GEMIN4: variants seen among roughly 807,000 people sequenced by gnomAD.
GEMIN4 encodes gem nuclear organelle associated protein 4.
In GEMIN4, 59 loss-of-function variants were observed where a neutral mutation model predicts 76.8. The observed-to-expected ratio is 0.77, with a 90% CI of 0.62 to 0.95. GEMIN4 has a LOEUF of 0.95. GEMIN4 is among the 40% of genes least tolerant of loss of function. The probability of loss-of-function intolerance (pLI) is 0.00; values close to 1 mark genes in which losing one functional copy is unlikely to be tolerated. For synonymous variants in GEMIN4, 562 were observed against 559.7 expected, an observed-to-expected ratio of 1.00 and a Z score of -0.06; for missense variants, 1,311 against 1,318.9, an observed-to-expected ratio of 0.99 and a Z score of 0.09.
rs1220852510 is a variant in GEMIN4, at chr17:745,563, C to T, written c.2480G>A (p.Gly827Asp). ...GAGAGACAGCATCCTCTCCGAGATG[C>T]CGCTGGAGACGCAGCAGCACTCCAT... is the stretch of plus-strand genomic sequence containing the variant. ...AWMECCCVSS[G>D]ISERMLSLLV... Residue 827 changes from glycine (G) to aspartate (D), a missense_variant, in exon 2 of 2, where the codon GGC becomes GAC. By Grantham distance (94) the Gly-to-Asp change is moderately conservative (BLOSUM62 -1). Transcript: ENST00000319004. This position sits in a 1 kb window ranked among gnomAD's most constrained non-coding sequence, Gnocchi z 4.6. 1 of 1,612,450 alleles carries T rather than the reference C, an allele frequency of 6.2e-7. No homozygotes were observed. Among genetic ancestry groups the T allele is most frequent in the South Asian group, 1.1e-5 (1 of 90,910 alleles).
At position 747,204 on chromosome 17, in the gene GEMIN4, G is replaced by A. The variant is rs777171767; in HGVS notation, c.839C>T (p.Thr280Ile). ...CGCCTGCTGGTGGTAGGGATTCTGG[G>A]TGTCCGAGTTCCACACAGAGATCAC... ...ATVISVWNSDTQNPYHQQALA... is the reference protein window; with the variant it reads ...ATVISVWNSDIQNPYHQQALA... Residue 280 changes from threonine to isoleucine, a missense_variant, in exon 2 of 2, where the codon ACC (threonine) becomes ATC (isoleucine). By Grantham distance (89) the Thr-to-Ile change is moderately conservative. Around this residue, in one of 2 missense-constraint regions of GEMIN4, gnomAD observed 1,208 missense variants for 1,166.9 expected, o/e 1.04. Transcript: ENST00000319004. 1.2e-6 allele frequency: 2 copies of A among 1,612,970 alleles called. No homozygotes were observed. The highest frequency in any genetic ancestry group is 1.7e-6 in the Non-Finnish European group (2 of 1,179,582).
intron 1 of GEMIN4, 182 bp from the exon 2 acceptor site, chr17:748,214 A>T (rs1348571295): frequency 3.4e-6 from 2 of 588,088 alleles, no homozygotes; most frequent in East Asian, 5.7e-5. Context: ...CGAGGAATCC[A>T]GAATGGCTTC....
At chr17:749,443 T>A in intron 1 of GEMIN4, 1 of 131,032 alleles carries the variant, frequency 7.6e-6, no homozygotes. Context: ...ACAGAAGCAA[T>A]CACACGGCTA....
intron 1 of GEMIN4, chr17:750,082 T>G: frequency 2.7e-6 from 2 of 753,222 alleles, no homozygotes; most frequent in Non-Finnish European, 3.2e-6. Context: ...CTGGCCAGGT[T>G]CAGTGGCTAG....
Position 747,511 on chromosome 17 carries a change from G to C in GEMIN4, c.532C>G (p.Leu178Val), listed in dbSNP as rs370503352. 59 of 1,613,838 alleles carry C rather than the reference G, an allele frequency of 3.7e-5. No individual in the cohort carries two copies. In the African/African-American group the frequency reaches 7.3e-4, roughly 20 times the overall value. Residue 178 changes from leucine to valine, a missense_variant, in exon 2 of 2, where the codon CTG becomes GTG. Transcript: ENST00000319004. The part of the protein sequence containing the change: ...MKHKGHPQDP[L>V]LSQFSAMAHK... ...GCCATTGCACTAAACTGGGAGAGCA[G>C]GGGGTCCTGCGGGTGACCCTTGTGC...
In GEMIN4 at chr17:747,406, T is replaced by C. The variant is rs202185493; in HGVS notation, c.637A>G (p.Met213Val). 4.3e-6 allele frequency: 7 copies of C among 1,613,770 alleles called. No individual in the cohort carries two copies. In the African/African-American group the frequency reaches 8.0e-5, roughly 18 times the overall value. Reference protein sequence around the residue: ...LRSDPDACPTMPLLAMLLRGL... With the variant: ...LRSDPDACPTVPLLAMLLRGL... ...CGGAGCAGCATGGCCAACAGGGGCA[T>C]GGTGGGGCACGCGTCTGGGTCTGAC... is the stretch of plus-strand genomic sequence containing the variant. Residue 213 changes from methionine (M) to valine (V), a missense_variant, in exon 2 of 2, where the codon ATG becomes GTG. By Grantham distance (21) the Met-to-Val change is conservative. Coordinates refer to ENST00000319004, the MANE Select transcript of GEMIN4 (RefSeq NM_015721.3).
In GEMIN4 at chr17:746,913, G is replaced by C; in HGVS notation, c.1130C>G (p.Ser377Cys). The change falls in exon 2 of 2, where the codon TCT (serine) becomes TGT (cysteine). Residue 377 changes from serine to cysteine, a missense_variant. Coordinates refer to ENST00000319004, the MANE Select transcript of GEMIN4 (RefSeq NM_015721.3). This position sits in a 1 kb window ranked among gnomAD's most constrained non-coding sequence, Gnocchi z 4.3. The stretch of plus-strand genomic sequence containing the variant: ...GTCCCTGACACACTCCGCCAGCTCA[G>C]AGACCACCTGCCTGTCCTCCTTGGA... ...SLSKEDRQVV[S>C]ELAECVRDFL... The C allele has an allele frequency of 1.2e-6, 2 of 1,613,744 alleles. No individual in the cohort carries two copies. The highest frequency in any genetic ancestry group is 1.7e-6 in the Non-Finnish European group (2 of 1,179,838).
At position 752,108 on chromosome 17, in the gene GEMIN4, G is replaced by T. The variant is rs375352328; in HGVS notation, c.10+25C>A. On this transcript the variant is annotated intron_variant, in intron 1 of 1. Transcript: ENST00000319004. ...GGTGGCGCATTGCTGGACGCAGCCC[G>T]GGGCCGGGGAGCCGCGGCACCCACC... 1.3e-3 allele frequency: 1,593 copies of T among 1,231,454 alleles called. 18 individuals are homozygous for T. In the African/African-American group the frequency reaches 0.023, roughly 18 times the overall value. The allele number at this position is 1,231,454 out of a possible 1,614,324, so 76.3% of individuals were successfully genotyped here.
chr17:752,690 G>C (rs1363392930), upstream of GEMIN4: 30 of 970,182 alleles, frequency 3.1e-5, no homozygotes, highest in Non-Finnish European at 3.6e-5. Flanking sequence ...GCTTTTTGAC[G>C]GCTGGTCCTC....
chr17:746,806 G>A lies in GEMIN4; in HGVS notation c.1237C>T (p.Gln413Ter), dbSNP rs1343549067. 6 of 1,613,838 alleles carry A rather than the reference G, an allele frequency of 3.7e-6. No individual in the cohort carries two copies. The highest frequency in any genetic ancestry group is 5.1e-6 in the Non-Finnish European group (6 of 1,179,856). ...TASIAMAVIQQKMDRHMEVCY... is the reference protein window; with the variant it reads ...TASIAMAVIQ The stretch of plus-strand genomic sequence containing the variant: ...ACTTCCATATGGCGGTCCATCTTCT[G>A]CTGGATGACGGCCATGGCAATGGAA... The change falls in exon 2 of 2, where the codon CAG (glutamine) becomes TAG (stop). Residue 413 changes from glutamine to a stop codon, truncating the protein, a stop_gained. Transcript: ENST00000319004. LOFTEE classifies it high-confidence loss of function. This position sits in a 1 kb window ranked among gnomAD's most constrained non-coding sequence, Gnocchi z 4.3.
rs1439677940 is a variant in GEMIN4, at chr17:745,997, C to T, written c.2046G>A (p.Ala682=). The stretch of plus-strand genomic sequence containing the variant: ...TCTGGAGCCAGTATTCCTCTCGGCA[C>T]GCGTTTGCCTCTAGAGTCTGGATGA... The part of the protein sequence containing the change: ...RIFIQTLEAN[A]CREEYWLQTC... Residue 682 remains alanine, a synonymous_variant, in exon 2 of 2, where the codon GCG becomes GCA. Coordinates refer to ENST00000319004, the MANE Select transcript of GEMIN4 (RefSeq NM_015721.3). The surrounding 1 kb of genome is among the most constrained non-coding windows in gnomAD (Gnocchi z 4.6). 8 of 1,613,504 alleles carry T rather than the reference C, an allele frequency of 5.0e-6. No homozygotes were observed. The highest frequency in any genetic ancestry group is 4.4e-5 in the South Asian group (4 of 91,072).
chr17:753,568 GC>G (rs1272415890), upstream of GEMIN4: 1 of 154,670 alleles, frequency 6.5e-6, no homozygotes, highest in East Asian at 1.9e-4. Flanking sequence ...TGAAACTGTC[GC>G]AAGCTTAGCC....
intron 1 of GEMIN4, chr17:751,891 C>T: frequency 2.6e-6 from 1 of 380,510 alleles, no homozygotes. Flanking sequence ...TCTAACTTCA[C>T]GTCTGCTCCG....
intron 1 of GEMIN4, chr17:748,890 G>A (rs575223927): frequency 1.1e-3 from 212 of 187,346 alleles, no homozygotes; most frequent in African/African-American, 5.0e-3. Context: ...ACGGCTACAG[G>A]ATAATGGGCA....
At position 747,509 on chromosome 17, in the gene GEMIN4, C is replaced by G; in HGVS notation, c.534G>C (p.Leu178=). 6.2e-7 allele frequency: 1 copy of G among 1,613,796 alleles called. No individual in the cohort carries two copies. Residue 178 remains leucine (L), a synonymous_variant, in exon 2 of 2, where the codon CTG becomes CTC. Coordinates refer to ENST00000319004, the MANE Select transcript of GEMIN4 (RefSeq NM_015721.3). The stretch of plus-strand genomic sequence containing the variant: ...GGGCCATTGCACTAAACTGGGAGAG[C>G]AGGGGGTCCTGCGGGTGACCCTTGT... ...MKHKGHPQDP[L]LSQFSAMAHK...
At chr17:752,612 ACATACAGTCCCT>A (rs1183396033), upstream of GEMIN4, 1 of 964,800 alleles carries the variant, frequency 1.0e-6, no homozygotes, top group Non-Finnish European at 1.2e-6. Context: ...AGCTCGCGCC[ACATACAGTCCCT>A]CAACGCGCTC....
Position 746,588 on chromosome 17 carries a change from T to G in GEMIN4, c.1455A>C (p.Glu485Asp). Residue 485 changes from glutamate to aspartate, a missense_variant, in exon 2 of 2, where the codon GAA becomes GAC. Glu to Asp is a conservative substitution (Grantham distance 45). Around this residue, in one of 2 missense-constraint regions of GEMIN4, gnomAD observed 1,208 missense variants for 1,166.9 expected, o/e 1.04. Transcript: ENST00000319004. This position sits in a 1 kb window ranked among gnomAD's most constrained non-coding sequence, Gnocchi z 4.3. Reference sequence around the variant, plus strand: ...CTGGCAGGGAGAGGTCTGCGTAACATTCCAGGATCAGGTGGATCACCTGCC... The same window carrying G: ...CTGGCAGGGAGAGGTCTGCGTAACAGTCCAGGATCAGGTGGATCACCTGCC... ...QIRQVIHLIL[E>D]CYADLSLPGK... The G allele has an allele frequency of 6.2e-7, 1 of 1,613,650 alleles. No individual in the cohort carries two copies. Among genetic ancestry groups the G allele is most frequent in the Non-Finnish European group, 8.5e-7 (1 of 1,179,878 alleles).
Position 746,470 on chromosome 17 carries a change from C to G in GEMIN4, c.1573G>C (p.Asp525His), listed in dbSNP as rs1371439989. 1.2e-6 allele frequency: 2 copies of G among 1,614,012 alleles called. No individual in the cohort carries two copies. The highest frequency in any genetic ancestry group is 1.7e-6 in the Non-Finnish European group (2 of 1,179,900). ...AGCTGGTTAAAAGTTGTATTGAGGT[C>G]TTCCTGAAAACCCTCCACATAAGCC... ...LLAYVEGFQE[D>H]LNTTFNQLTQ... The change falls in exon 2 of 2, where the codon GAC (aspartate) becomes CAC (histidine). Residue 525 changes from aspartate to histidine, a missense_variant. Around this residue, in one of 2 missense-constraint regions of GEMIN4, gnomAD observed 1,208 missense variants for 1,166.9 expected, o/e 1.04. Transcript: ENST00000319004. This position sits in a 1 kb window ranked among gnomAD's most constrained non-coding sequence, Gnocchi z 4.3.
chr17:751,212 A>G (rs2144204857), intron 1 of GEMIN4, among the ~76,000 whole-genome samples: 1 of 152,264 alleles, frequency 6.6e-6, no homozygotes, highest in East Asian at 1.9e-4. Context: ...TCTTCTATTC[A>G]CAATCACCTT....
Sources: allele counts gnomAD v4.1 joint callset (sites outside exome capture counted in the v4.1 genomes callset), GRCh38; gene constraint gnomAD v4.1.1; regional missense constraint gnomAD v4.1.1; non-coding constraint Gnocchi (gnomAD v3.1); transcripts MANE v1.5; gene names NCBI Gene and HGNC (gene_info 2026-07-23, HGNC 2026-07-21).